Variants in CADPS observed in about 807,000 individuals in gnomAD.
CADPS encodes calcium-dependent secretion activator 1.
Under a neutral mutation model 167.3 loss-of-function variants are expected in CADPS, and 57 were observed. The ratio of observed to expected loss-of-function variants is 0.34; its 90% CI spans 0.28 to 0.42. The LOEUF is 0.42. CADPS is among the 20% of genes least tolerant of loss of function. The probability of loss-of-function intolerance (pLI) is 1.00; values close to 1 mark genes in which losing one functional copy is unlikely to be tolerated. For synonymous variants in CADPS, 676 were observed against 635.3 expected, an observed-to-expected ratio of 1.06 and a Z score of -0.96; for missense variants, 1,414 against 1,738.1, an observed-to-expected ratio of 0.81 and a Z score of 3.32.
intron 3 of CADPS, among the ~76,000 whole-genome samples, chr3:62,720,452 C>A (rs139368749): frequency 6.6e-6 from 1 of 151,968 alleles, no homozygotes; most frequent in East Asian, 1.9e-4. Flanking sequence ...CCACTTTAGT[C>A]TCCTGAGTAG....
At chr3:62,653,588 A>G (rs535456084) in intron 4 of CADPS, among the ~76,000 whole-genome samples, 6 of 152,300 alleles carry the variant, frequency 3.9e-5, no homozygotes, top group South Asian at 2.1e-4. Context: ...ATTCAGGACC[A>G]TATCTATCTT....
intron 21 of CADPS, 66 bp downstream of exon 21, chr3:62,491,273 C>T: frequency 6.7e-7 from 1 of 1,487,948 alleles, no homozygotes; most frequent in Non-Finnish European, 9.3e-7. Flanking sequence ...ATCATTAATC[C>T]ATTTCTGTAT....
intron 1 of CADPS, among the ~76,000 whole-genome samples, chr3:62,778,279 T>G (rs919311106): frequency 1.1e-4 from 17 of 152,206 alleles, no homozygotes; most frequent in Non-Finnish European, 2.1e-4. Flanking sequence ...CTTATAATAT[T>G]TTGTTGCAAG....
intron 9 of CADPS, among the ~76,000 whole-genome samples, chr3:62,567,336 C>A (rs9848307): frequency 0.015 from 2,256 of 152,200 alleles, 36 homozygotes; most frequent in African/African-American, 0.052. Context: ...TTTCTCCTCT[C>A]TCTTCCTTTT....
At chr3:62,568,981 C>T (rs2080802559) in intron 9 of CADPS, among the ~76,000 whole-genome samples, 1 of 152,196 alleles carries the variant, frequency 6.6e-6, no homozygotes, top group South Asian at 2.1e-4. Context: ...GATAGTTCTC[C>T]ATGTCCTCTC....
intron 3 of CADPS, among the ~76,000 whole-genome samples, chr3:62,699,245 C>T (rs2080946224): frequency 6.6e-6 from 1 of 152,018 alleles, no homozygotes; most frequent in African/African-American, 2.4e-5. Flanking sequence ...CTATGTTGCC[C>T]AGGCTGATCT....
At chr3:62,435,116 G>A (rs1414959847) in intron 28 of CADPS, among the ~76,000 whole-genome samples, 1 of 152,118 alleles carries the variant, frequency 6.6e-6, no homozygotes, top group Admixed American at 6.6e-5. Context: ...AAAATGCAAC[G>A]ATTTGGAAGA....
chr3:62,813,470 G>A (rs185011873), intron 1 of CADPS, among the ~76,000 whole-genome samples: 3 of 152,126 alleles, frequency 2.0e-5, no homozygotes, highest in East Asian at 1.9e-4. Flanking sequence ...AACTCGAGAT[G>A]TATTAAAGAC....
At chr3:62,669,126 G>A (rs2075051006) in intron 3 of CADPS, among the ~76,000 whole-genome samples, 1 of 152,192 alleles carries the variant, frequency 6.6e-6, no homozygotes, top group South Asian at 2.1e-4. Flanking sequence ...CAAGCCACCT[G>A]CTGACCTGGG....
Position 62,437,077 on chromosome 3 carries a change from ATTCC to A in CADPS, c.3777+1023_3777+1026del, listed in dbSNP as rs779207069. Among the ~76,000 whole-genome samples, 21 of 152,048 alleles carry A rather than the reference ATTCC, an allele frequency of 1.4e-4. 1 individual carries two copies. Among genetic ancestry groups the A allele is most frequent in the Non-Finnish European group, 2.9e-4 (20 of 67,994 alleles). On this transcript the variant is annotated intron_variant, in intron 28 of 29. Transcript: ENST00000383710. ...CAGAAAAAAAAAAATAGAAACATGGATTCCATAGTAGACCAAAACATTAATGTTC... is the reference window on the plus strand; with the variant it reads ...CAGAAAAAAAAAAATAGAAACATGGAATAGTAGACCAAAACATTAATGTTC...
In CADPS at chr3:62,867,601, G is replaced by A. The variant is rs182916623; in HGVS notation, c.441+6988C>T. ...TCTAATGATAACTACCTGCCTTCTG[G>A]TATTCTTGCATTTTAGTTCACCAAA... On this transcript the variant is annotated intron_variant, in intron 1 of 29. Transcript: ENST00000383710. Among the ~76,000 whole-genome samples the A allele has an allele frequency of 3.9e-3, 588 of 151,996 alleles. 3 individuals carry two copies. Among genetic ancestry groups the A allele is most frequent in the African/African-American group, 0.013 (548 of 41,518 alleles).
chr3:62,399,642 A>G lies in CADPS; in HGVS notation c.3883-57T>C. ...GATCTCATCTCCATGATGGGGAGGG[A>G]GAAGGTAAAAGCAGGTGTGGGTGGG... On this transcript the variant is annotated intron_variant, in intron 29 of 29. Transcript: ENST00000383710. This position sits in a 1 kb window ranked among gnomAD's most constrained non-coding sequence, Gnocchi z 5.6. The G allele has an allele frequency of 2.0e-6, 3 of 1,466,362 alleles. 1 individual carries two copies. Among genetic ancestry groups the G allele is most frequent in the South Asian group, 2.3e-5 (2 of 85,204 alleles). 90.8% of individuals were successfully genotyped at this position (1,466,362 alleles called of 1,614,324 possible). A position where few individuals can be genotyped will look rare whatever the true frequency, so the allele number is the denominator to read the frequency against.
chr3:62,846,919 C>T lies in CADPS; in HGVS notation c.441+27670G>A, dbSNP rs527665791. On this transcript the variant is annotated intron_variant, in intron 1 of 29. Coordinates refer to ENST00000383710, the MANE Select transcript of CADPS (RefSeq NM_003716.4). ...CTGACCTCAAGTGATCCACCTGCCT[C>T]GGCCTCCCAAAGTGCTGGGATTACA... Among the ~76,000 whole-genome samples the T allele has an allele frequency of 7.9e-5, 12 of 152,288 alleles. No individual in the cohort carries two copies. The East Asian group carries it at 9.7e-4, about 12-fold the overall frequency.
chr3:62,660,133 T>A (rs1209092544), intron 4 of CADPS, among the ~76,000 whole-genome samples: 1 of 150,738 alleles, frequency 6.6e-6, no homozygotes, highest in Non-Finnish European at 1.5e-5. Flanking sequence ...CTATTAAAAA[T>A]TAAAATTAGC....
chr3:62,733,981 C>T (rs140633586), intron 3 of CADPS, among the ~76,000 whole-genome samples: 12 of 152,216 alleles, frequency 7.9e-5, no homozygotes, highest in East Asian at 1.9e-4. Context: ...TTCCGTTTTA[C>T]GGTGAGTAGT....
intron 28 of CADPS, among the ~76,000 whole-genome samples, chr3:62,407,389 G>A (rs1277560851): frequency 2.0e-5 from 3 of 152,240 alleles, no homozygotes; most frequent in South Asian, 2.1e-4. Flanking sequence ...CAAACTTTGG[G>A]TTCATAAAGC....
chr3:62,717,621 T>A lies in CADPS; in HGVS notation c.888+35820A>T, dbSNP rs2084936749. ...TATTGGCCTTGTTTCCATATTGTTC[T>A]GCTGAATTTGACAGCTTCTCAATAT... is the stretch of plus-strand genomic sequence containing the variant. On this transcript the variant is annotated intron_variant, in intron 3 of 29. Transcript: ENST00000383710. Among the ~76,000 whole-genome samples the A allele has an allele frequency of 2.0e-5, 3 of 152,222 alleles. No homozygotes were observed. In the South Asian group the frequency reaches 6.2e-4, roughly 32 times the overall value.
At chr3:62,606,790 T>C (rs2060754201) in intron 6 of CADPS, among the ~76,000 whole-genome samples, 1 of 152,204 alleles carries the variant, frequency 6.6e-6, no homozygotes, top group Non-Finnish European at 1.5e-5. Flanking sequence ...GTCACCAATG[T>C]GAGCAAAGCC....
chr3:62,613,218 G>C (rs936269193), intron 6 of CADPS, among the ~76,000 whole-genome samples: 6 of 152,118 alleles, frequency 3.9e-5, no homozygotes, highest in Non-Finnish European at 7.3e-5. Flanking sequence ...AGAAGGAAGC[G>C]ATCTACTTAA....
Sources: gnomAD v4.1 joint callset for allele counts (sites outside exome capture counted in the v4.1 genomes callset) on GRCh38, gnomAD v4.1.1 for gene constraint, Gnocchi (gnomAD v3.1) non-coding constraint, MANE v1.5 for transcripts, NCBI Gene and HGNC (gene_info 2026-07-23, HGNC 2026-07-21) for gene names.